Variants in LY6S observed in about 807,000 individuals in gnomAD.
LY6S encodes the protein lymphocyte antigen 6 family member S, also known as lymphocyte antigen 6S.
chr8:143,042,080 G>C, the LY6S span, among the ~76,000 whole-genome samples: 2 of 79,436 alleles, frequency 2.5e-5, no homozygotes, highest in African/African-American at 5.6e-5. Flanking sequence ...TCCACCCAGG[G>C]CGTTCTCAGC....
the LY6S span, among the ~76,000 whole-genome samples, chr8:143,041,861 A>T: frequency 6.7e-6 from 1 of 150,040 alleles, no homozygotes; most frequent in African/African-American, 2.4e-5. Flanking sequence ...CTCCAGGCTG[A>T]GACGGCCGTC....
chr8:143,059,913 T>C, the LY6S span: 1 of 152,236 alleles, frequency 6.6e-6, no homozygotes, highest in East Asian at 1.9e-4. Flanking sequence ...GCTGTTCCAG[T>C]ATAATAAAGA....
chr8:143,066,523 C>T, the LY6S span: 4 of 280,342 alleles, frequency 1.4e-5, no homozygotes, highest in South Asian at 4.4e-5. Flanking sequence ...ATTCGTGCAG[C>T]GAATCGGCTG....
the LY6S span, among the ~76,000 whole-genome samples, chr8:143,075,999 C>A: frequency 3.3e-5 from 5 of 151,998 alleles, no homozygotes; most frequent in Non-Finnish European, 5.9e-5. This position sits in a 1 kb window ranked among gnomAD's most constrained non-coding sequence, Gnocchi z 4.1. Context: ...AAAATGATAA[C>A]AAAATCCTTG....
chr8:143,064,898 G>C, the LY6S span, among the ~76,000 whole-genome samples: 1 of 152,196 alleles, frequency 6.6e-6, no homozygotes, highest in African/African-American at 2.4e-5. Flanking sequence ...ACCAGCCATA[G>C]CTCATCTGCA....
chr8:143,070,279 G>A, the LY6S span, among the ~76,000 whole-genome samples: 1 of 149,596 alleles, frequency 6.7e-6, no homozygotes, highest in African/African-American at 2.5e-5. Context: ...ATCACATTCT[G>A]AGGTAGCGGG....
At chr8:143,057,900 G>A in the LY6S span, 4 of 606,758 alleles carry the variant, frequency 6.6e-6, no homozygotes, top group African/African-American at 5.5e-5. Flanking sequence ...CAGCCCATGC[G>A]CAACCAGAGG....
chr8:143,065,647 C>T, the LY6S span, among the ~76,000 whole-genome samples: 40 of 151,838 alleles, frequency 2.6e-4, no homozygotes, highest in Non-Finnish European at 3.4e-4. Flanking sequence ...TAGGGAGAGA[C>T]GCAGTATTGC....
the LY6S span, among the ~76,000 whole-genome samples, chr8:143,069,925 G>C: frequency 2.0e-5 from 3 of 152,178 alleles, no homozygotes; most frequent in African/African-American, 7.2e-5. Context: ...CGCACCCAGC[G>C]TCGTGGGAAG....
the LY6S span, among the ~76,000 whole-genome samples, chr8:143,043,814 T>C: frequency 0.01 from 1,550 of 152,334 alleles, 20 homozygotes; most frequent in African/African-American, 0.035. Flanking sequence ...TAGCTGGGAT[T>C]ACAGGCATGC....
the LY6S span, among the ~76,000 whole-genome samples, chr8:143,072,237 C>T: frequency 0.04 from 4,485 of 112,228 alleles, 79 homozygotes; most frequent in African/African-American, 0.097. Flanking sequence ...AGACAGCCGT[C>T]GTCCTCGGGG....
At chr8:143,051,006 C>A in the LY6S span, among the ~76,000 whole-genome samples, 1 of 152,220 alleles carries the variant, frequency 6.6e-6, no homozygotes, top group Admixed American at 6.5e-5. Context: ...TTGGAAAGAA[C>A]AGGTCTTCTA....
chr8:143,070,472 T>TAC, the LY6S span, among the ~76,000 whole-genome samples: 9 of 39,950 alleles, frequency 2.3e-4, no homozygotes, highest in African/African-American at 6.2e-4. Context: ...ATAATATATA[T>TAC]ATAAATATAT....
chr8:143,065,698 C>G, the LY6S span, among the ~76,000 whole-genome samples: 3 of 152,092 alleles, frequency 2.0e-5, no homozygotes, highest in Non-Finnish European at 4.4e-5. Context: ...CCATGCCGGG[C>G]GCAGGACTTG....
chr8:143,070,462 ATAATATATATATAAATATATATATATAT>A, the LY6S span, among the ~76,000 whole-genome samples: 235 of 43,136 alleles, frequency 5.4e-3, 1 homozygote, highest in African/African-American at 0.017. Context: ...ATATATATAT[ATAATATATATATAAATATATATATATAT>A]TTTTTTTTTT....
the LY6S span, chr8:143,044,865 G>A: frequency 2.3e-6 from 3 of 1,299,006 alleles, no homozygotes; most frequent in South Asian, 3.7e-5. Context: ...GCCCTGGTGA[G>A]AGTCCCATGC....
chr8:143,045,330 C>T, the LY6S span, among the ~76,000 whole-genome samples: 2 of 152,170 alleles, frequency 1.3e-5, no homozygotes, highest in East Asian at 3.9e-4. The surrounding 1 kb of genome is among the most constrained non-coding windows in gnomAD (Gnocchi z 5.3). Flanking sequence ...ACAAGGTCTT[C>T]ATGGCCTGGA....
chr8:143,067,943 T>C, the LY6S span, among the ~76,000 whole-genome samples: 1 of 152,196 alleles, frequency 6.6e-6, no homozygotes, highest in Admixed American at 6.5e-5. Flanking sequence ...AGGCATTCCA[T>C]TTCCAGGGAC....
chr8:143,040,965 A>G, the LY6S span, among the ~76,000 whole-genome samples: 1 of 152,270 alleles, frequency 6.6e-6, no homozygotes, highest in Admixed American at 6.5e-5. Context: ...TACAAATAGG[A>G]TGTGGGTCAC....
Sources: allele counts gnomAD v4.1 joint callset (sites outside exome capture counted in the v4.1 genomes callset), GRCh38; gene constraint gnomAD v4.1.1; non-coding constraint Gnocchi (gnomAD v3.1); transcripts MANE v1.5; gene names NCBI Gene and HGNC (gene_info 2026-07-23, HGNC 2026-07-21).